The following PCDHGB2 variants were observed in gnomAD, a reference collection of about 807,000 sequenced individuals.
PCDHGB2 encodes protocadherin gamma subfamily B, 2.
PCDHGB2 carries 55 observed loss-of-function variants against 59.3 expected under a neutral mutation model. That is an observed-to-expected ratio of 0.93 (90% CI 0.75 to 1.16). The LOEUF (loss-of-function observed/expected upper bound fraction) is 1.16. Among genes scored for constraint, PCDHGB2 ranks in the 50% most tolerant of loss-of-function variants. The pLI is 0.00. For missense variants in PCDHGB2, 1,228 were observed against 1,198.5 expected, an observed-to-expected ratio of 1.02 and a Z score of -0.36; for synonymous variants, 516 against 512.0, an observed-to-expected ratio of 1.01 and a Z score of -0.11.
chr5:141,422,746 T>G (rs763386007), intron 1 of PCDHGB2: 1 of 1,611,014 alleles, frequency 6.2e-7, no homozygotes, highest in Non-Finnish European at 8.5e-7. Context: ...CTCCTATGTC[T>G]CTATTAACTC....
intron 1 of PCDHGB2, chr5:141,427,746 T>A: frequency 7.9e-7 from 1 of 1,272,038 alleles, no homozygotes; most frequent in African/African-American, 1.5e-5. Flanking sequence ...AGTCTCCTAC[T>A]CCATCGTTAC....
intron 1 of PCDHGB2, chr5:141,413,721 C>A (rs779673406): frequency 6.2e-7 from 1 of 1,613,592 alleles, no homozygotes. Context: ...ATAAGCACTT[C>A]TCCCTAAGAG....
At position 141,432,834 on chromosome 5, in the gene PCDHGB2, A is replaced by G; in HGVS notation, c.2422-61973A>G. 6.2e-7 allele frequency: 1 copy of G among 1,614,082 alleles called. No homozygotes were observed. The highest frequency in any genetic ancestry group is 8.5e-7 in the Non-Finnish European group (1 of 1,179,978). ...TCTGAAACCTCAGACCTCACTCTGTACCTGGTGGTAGCGGTGGCCGCGGTC... is the reference window on the plus strand; with the variant it reads ...TCTGAAACCTCAGACCTCACTCTGTGCCTGGTGGTAGCGGTGGCCGCGGTC... On this transcript the variant is annotated intron_variant, in intron 1 of 3. Transcript: ENST00000522605. This position sits in a 1 kb window ranked among gnomAD's most constrained non-coding sequence, Gnocchi z 6.0.
At chr5:141,409,885 G>A in intron 1 of PCDHGB2, 1 of 1,613,110 alleles carries the variant, frequency 6.2e-7, no homozygotes. Flanking sequence ...ACGCACCGCG[G>A]GTGCTGTACC....
chr5:141,420,197 A>C (rs760921171), intron 1 of PCDHGB2: 2 of 1,613,630 alleles, frequency 1.2e-6, no homozygotes, highest in South Asian at 2.2e-5. Context: ...CACACAAGAT[A>C]ACCTCAACAA....
chr5:141,433,304 C>T, intron 1 of PCDHGB2: 1 of 932,004 alleles, frequency 1.1e-6, no homozygotes, highest in Non-Finnish European at 1.6e-6. Context: ...AGCAATTATC[C>T]CACCTTTGCC....
chr5:141,376,844 G>T (rs897403160), intron 1 of PCDHGB2: 2 of 241,996 alleles, frequency 8.3e-6, no homozygotes, highest in Non-Finnish European at 1.6e-5. Flanking sequence ...CCGCCACCGC[G>T]CCCGGCTAAT....
intron 1 of PCDHGB2, chr5:141,405,449 T>A: frequency 6.2e-6 from 8 of 1,283,878 alleles, no homozygotes; most frequent in South Asian, 1.4e-5. Context: ...AGACAGAGTC[T>A]TACTCTGTTA....
chr5:141,394,643 G>T, intron 1 of PCDHGB2: 1 of 1,613,492 alleles, frequency 6.2e-7, no homozygotes, highest in Non-Finnish European at 8.5e-7. Flanking sequence ...GCCTGCTCAA[G>T]GCCAGCGAGC....
intron 1 of PCDHGB2, chr5:141,409,784 T>G: frequency 3.1e-6 from 5 of 1,612,248 alleles, no homozygotes; most frequent in Non-Finnish European, 4.2e-6. Flanking sequence ...GCTGCGCGCC[T>G]TCGCGCTCAC....
rs982627903 is a variant in PCDHGB2, at chr5:141,421,421, T to C, written c.2421+58865T>C. ...CCCCGGGAGCTGGCGAAGCGCGGAGTCCGCATCGTCTCCAGAGGGAAGACA... is the reference window on the plus strand; with the variant it reads ...CCCCGGGAGCTGGCGAAGCGCGGAGCCCGCATCGTCTCCAGAGGGAAGACA... On this transcript the variant is annotated intron_variant, in intron 1 of 3. Coordinates refer to ENST00000522605, the MANE Select transcript of PCDHGB2 (RefSeq NM_018923.3). The C allele has an allele frequency of 6.2e-7, 1 of 1,613,994 alleles. No individual in the cohort carries two copies. The highest frequency in any genetic ancestry group is 1.3e-5 in the African/African-American group (1 of 75,052).
At chr5:141,414,773 A>G in intron 1 of PCDHGB2, 1 of 1,614,204 alleles carries the variant, frequency 6.2e-7, no homozygotes, top group Non-Finnish European at 8.5e-7. Flanking sequence ...CATGAGCTAC[A>G]GATGCAGGTG....
In PCDHGB2 at chr5:141,487,774, C is replaced by T. The variant is rs1272776899; in HGVS notation, c.2422-7033C>T. 2.0e-6 allele frequency: 3 copies of T among 1,534,064 alleles called. 1 individual carries two copies. The highest frequency in any genetic ancestry group is 2.6e-6 in the Non-Finnish European group (3 of 1,135,588). On this transcript the variant is annotated intron_variant, in intron 1 of 3. Transcript: ENST00000522605. The surrounding 1 kb of genome is among the most constrained non-coding windows in gnomAD (Gnocchi z 5.0). Reference sequence around the variant, plus strand: ...ATGTGGTAGACGCTGTGCTTTGTAACTGTTTCGTGAATTAACCAGAGTTGT... The same window carrying T: ...ATGTGGTAGACGCTGTGCTTTGTAATTGTTTCGTGAATTAACCAGAGTTGT...
At chr5:141,509,536 A>T (rs778275338) in intron 3 of PCDHGB2, among the ~76,000 whole-genome samples, 1 of 152,130 alleles carries the variant, frequency 6.6e-6, no homozygotes, top group Non-Finnish European at 1.5e-5. Context: ...AGGATGAAGC[A>T]CCATCTCATT....
rs980196319 is a variant in PCDHGB2 at position 141,511,604 on chromosome 5, A to C, written c.*431A>C. 3 of 248,420 alleles carry C rather than the reference A, an allele frequency of 1.2e-5. No individual in the cohort carries two copies. Among genetic ancestry groups the C allele is most frequent in the African/African-American group, 6.6e-5 (3 of 45,596 alleles). The allele number at this position is 248,420 out of a possible 1,614,324, so 15.4% of individuals were successfully genotyped here. Reference sequence around the variant, plus strand: ...GGTGTTGAAGTACCAAGTAACCTACAAGCCTCCTAGTTCTGAAAAGTTGGA... The same window carrying C: ...GGTGTTGAAGTACCAAGTAACCTACCAGCCTCCTAGTTCTGAAAAGTTGGA... On this transcript the variant is annotated 3_prime_UTR_variant, in exon 4 of 4. Coordinates refer to ENST00000522605, the MANE Select transcript of PCDHGB2 (RefSeq NM_018923.3).
chr5:141,505,089 G>A (rs1562219081), intron 2 of PCDHGB2, among the ~76,000 whole-genome samples: 1 of 152,208 alleles, frequency 6.6e-6, no homozygotes, highest in Non-Finnish European at 1.5e-5. Context: ...TTGAACCCAG[G>A]AGGTGGATGT....
At position 141,431,952 on chromosome 5, in the gene PCDHGB2, AC is replaced by A; in HGVS notation, c.2422-62854del. ...CTGCCCTTTAAATTAGAAAAATCTTACGGAAATTACTATAGTTTAGTCACAG... is the reference window on the plus strand; with the variant it reads ...CTGCCCTTTAAATTAGAAAAATCTTAGGAAATTACTATAGTTTAGTCACAG... On this transcript the variant is annotated intron_variant, in intron 1 of 3. Transcript: ENST00000522605. This position sits in a 1 kb window ranked among gnomAD's most constrained non-coding sequence, Gnocchi z 4.8. 1 of 1,614,166 alleles carries A rather than the reference AC, an allele frequency of 6.2e-7. No homozygotes were observed. The highest frequency in any genetic ancestry group is 1.1e-5 in the South Asian group (1 of 91,090).
At chr5:141,376,683 T>TTTTTTTG (rs1483837724) in intron 1 of PCDHGB2, 1 of 803,912 alleles carries the variant, frequency 1.2e-6, no homozygotes, top group African/African-American at 1.9e-5. Context: ...ATCGTTTTTT[T>TTTTTTTG]TTTTTTTTTT....
At chr5:141,373,739 A>G (rs1561560112) in intron 1 of PCDHGB2, among the ~76,000 whole-genome samples, 1 of 152,238 alleles carries the variant, frequency 6.6e-6, no homozygotes, top group Non-Finnish European at 1.5e-5. Context: ...ATGCTTCATT[A>G]TCTTGGGGAG....
Sources: gnomAD v4.1 joint callset for allele counts (sites outside exome capture counted in the v4.1 genomes callset) on GRCh38, gnomAD v4.1.1 for gene constraint, Gnocchi (gnomAD v3.1) non-coding constraint, MANE v1.5 for transcripts, NCBI Gene and HGNC (gene_info 2026-07-23, HGNC 2026-07-21) for gene names.